The following TASOR variants were observed in gnomAD, a reference collection of about 807,000 sequenced individuals.
TASOR encodes the protein transcription activation suppressor, also known as protein TASOR.
A neutral mutation model predicts 178.6 loss-of-function variants in TASOR; 53 were observed. The ratio of observed to expected loss-of-function variants is 0.30; its 90% CI spans 0.24 to 0.37. The LOEUF (loss-of-function observed/expected upper bound fraction) is 0.37, where lower values mean the gene tolerates loss of function less well. Among genes scored for constraint, TASOR ranks in the 10% least tolerant of loss-of-function variants. TASOR has a pLI of 1.00. For synonymous variants in TASOR, 713 were observed against 696.2 expected, an observed-to-expected ratio of 1.02 and a Z score of -0.38; for missense variants, 1,815 against 1,971.4, an observed-to-expected ratio of 0.92 and a Z score of 1.50.
At chr3:56,651,949 G>T (rs1350968649) in intron 11 of TASOR, among the ~76,000 whole-genome samples, 1 of 151,998 alleles carries the variant, frequency 6.6e-6, no homozygotes, top group Non-Finnish European at 1.5e-5. Flanking sequence ...ACTGATAAAA[G>T]AACAAACAAA....
chr3:56,624,452 A>G (rs1350255343), intron 23 of TASOR, 27 bp downstream of exon 23: 7 of 1,604,054 alleles, frequency 4.4e-6, no homozygotes, highest in Admixed American at 1.7e-5. Flanking sequence ...TCTGCGTTAA[A>G]GAAAATGAAA....
chr3:56,663,906 T>C (rs535668157), intron 7 of TASOR: 1 of 965,402 alleles, frequency 1.0e-6, no homozygotes, highest in South Asian at 4.8e-5. Context: ...AATATATAAA[T>C]ATATTAATTC....
chr3:56,643,085 G>A (rs2077161012), intron 14 of TASOR, among the ~76,000 whole-genome samples: 1 of 151,956 alleles, frequency 6.6e-6, no homozygotes, highest in Non-Finnish European at 1.5e-5. Flanking sequence ...CCAACATGGT[G>A]AAACCCTGTC....
chr3:56,621,554 A>AGTT lies in TASOR; in HGVS notation c.*1480_*1482dup. 3 of 1,598,734 alleles carry AGTT rather than the reference A, an allele frequency of 1.9e-6. No individual in the cohort carries two copies. The highest frequency in any genetic ancestry group is 2.6e-6 in the Non-Finnish European group (3 of 1,173,270). ...CAGGGCCTTCTCCAGAAGCAAAAGG[A>AGTT]GTTGGAAAGTAGTCTCCTGCCTTTA... On this transcript the variant is annotated 3_prime_UTR_variant, in exon 24 of 24. Coordinates refer to ENST00000683822, the MANE Select transcript of TASOR (RefSeq NM_001365635.2).
rs1363386916 is a variant in TASOR at position 56,627,851 on chromosome 3, T to C, written c.3871-110A>G. 1.1e-5 allele frequency: 10 copies of C among 877,964 alleles called. 2 individuals carry two copies. The South Asian group carries it at 1.3e-4, about 12-fold the overall frequency. 54.4% of individuals were successfully genotyped at this position (877,964 alleles called of 1,614,324 possible). On this transcript the variant is annotated intron_variant, in intron 19 of 23. Transcript: ENST00000683822. ...AACAGAATGCATTATGGCTCATCTATATTAGTGGATTACCTCTGGAAAGCC... is the reference window on the plus strand; with the variant it reads ...AACAGAATGCATTATGGCTCATCTACATTAGTGGATTACCTCTGGAAAGCC...
chr3:56,655,545 T>A (rs548236271), intron 11 of TASOR, among the ~76,000 whole-genome samples: 1 of 151,924 alleles, frequency 6.6e-6, no homozygotes, highest in East Asian at 1.9e-4. Context: ...GGCATGAGGG[T>A]TGCTTAAGGC....
Position 56,620,512 on chromosome 3 carries a change from G to GT in TASOR, c.*2524dup, listed in dbSNP as rs1393076691. ...ATATACTCTCTGTACTTGAGGAAGAGTAAGCTGTGTTTAAAAGTGCCCTTT... is the reference window on the plus strand; with the variant it reads ...ATATACTCTCTGTACTTGAGGAAGAGTTAAGCTGTGTTTAAAAGTGCCCTTT... On this transcript the variant is annotated 3_prime_UTR_variant, in exon 24 of 24. Transcript: ENST00000683822. 6.6e-6 allele frequency: 1 copy of GT among 152,240 alleles called. No individual in the cohort carries two copies. Among genetic ancestry groups the GT allele is most frequent in the African/African-American group, 2.4e-5 (1 of 41,442 alleles). 9.4% of individuals were successfully genotyped at this position (152,240 alleles called of 1,614,324 possible). A position where few individuals can be genotyped will look rare whatever the true frequency, so the allele number is the denominator to read the frequency against.
chr3:56,642,046 T>G (rs1412836953), intron 14 of TASOR, among the ~76,000 whole-genome samples: 4 of 152,178 alleles, frequency 2.6e-5, no homozygotes, highest in Non-Finnish European at 5.9e-5. Context: ...CATCAAAATC[T>G]CAAAGTCAAC....
At chr3:56,624,773 C>G (rs957390624) in intron 22 of TASOR, 55 bp downstream of exon 22, 2 of 1,578,574 alleles carry the variant, frequency 1.3e-6, no homozygotes, top group African/African-American at 2.7e-5. Context: ...CCCATAAAAT[C>G]CTTTCATTCA....
Position 56,646,554 on chromosome 3 carries a change from C to A in TASOR, c.2183G>T (p.Ser728Ile), listed in dbSNP as rs1313604817. The A allele has an allele frequency of 6.2e-7, 1 of 1,605,440 alleles. No individual in the cohort carries two copies. Among genetic ancestry groups the A allele is most frequent in the Non-Finnish European group, 8.5e-7 (1 of 1,177,856 alleles). The change falls in exon 14 of 24, where the codon AGT (serine) becomes ATT (isoleucine). Residue 728 changes from serine to isoleucine, a missense_variant. Ser to Ile is a moderately radical substitution (Grantham distance 142). This residue lies in a region of TASOR where 655 missense variants were observed against 671.1 expected (regional missense o/e 0.98). Coordinates refer to ENST00000683822, the MANE Select transcript of TASOR (RefSeq NM_001365635.2). Reference sequence around the variant, plus strand: ...CAGATGGCAATTTTCAGATAAATTACTGGTTTTGGCGAGCTTTCTCATATT... The same window carrying A: ...CAGATGGCAATTTTCAGATAAATTAATGGTTTTGGCGAGCTTTCTCATATT... The part of the protein sequence containing the change: ...PENMRKLAKT[S>I]NLSENCHLYE...
At chr3:56,637,358 C>T (rs935722847) in intron 17 of TASOR, among the ~76,000 whole-genome samples, 1 of 152,162 alleles carries the variant, frequency 6.6e-6, no homozygotes, top group Non-Finnish European at 1.5e-5. Context: ...CCTGTCTCTA[C>T]TAAAACTACA....
chr3:56,623,859 A>T, intron 23 of TASOR: 1 of 1,543,400 alleles, frequency 6.5e-7, no homozygotes, highest in South Asian at 1.2e-5. Flanking sequence ...GTTATACGGT[A>T]ATTCAGTATT....
At chr3:56,674,710 C>G (rs1018789548) in intron 1 of TASOR, among the ~76,000 whole-genome samples, 6 of 152,142 alleles carry the variant, frequency 3.9e-5, no homozygotes. Context: ...TAGCTCAGCT[C>G]TCTCATATGT....
Position 56,647,148 on chromosome 3 carries a change from A to T in TASOR, c.1589T>A (p.Phe530Tyr). Residue 530 changes from phenylalanine (F) to tyrosine (Y), a missense_variant, in exon 14 of 24, where the codon TTT (phenylalanine) becomes TAT (tyrosine). This residue lies in a region of TASOR where 504 missense variants were observed against 645.3 expected (regional missense o/e 0.78). Coordinates refer to ENST00000683822, the MANE Select transcript of TASOR (RefSeq NM_001365635.2). ...ACACTGAATCAAAGAAAATTGTAAA[A>T]ACTGAGCTATTTTTAATACATCTGG... ...SMPDVLKIAQ[F>Y]LQFSLIQCRK... 1 of 1,602,464 alleles carries T rather than the reference A, an allele frequency of 6.2e-7. No individual in the cohort carries two copies. Among genetic ancestry groups the T allele is most frequent in the South Asian group, 1.1e-5 (1 of 88,202 alleles).
chr3:56,671,052 G>A (rs1039441714), intron 3 of TASOR, among the ~76,000 whole-genome samples: 16 of 140,148 alleles, frequency 1.1e-4, no homozygotes, highest in African/African-American at 4.0e-4. Flanking sequence ...TCTTAATAAA[G>A]AAAAAAGGCC....
At chr3:56,656,423 AC>A (rs1688493326) in intron 11 of TASOR, among the ~76,000 whole-genome samples, 2 of 151,476 alleles carry the variant, frequency 1.3e-5, no homozygotes, top group South Asian at 4.2e-4. Flanking sequence ...CCCCATCTCT[AC>A]AAAAAATACA....
chr3:56,621,410 TTGAA>T lies in TASOR; in HGVS notation c.*1623_*1626del, dbSNP rs1351433200. ...AGTACAAGCATTTCTGAAAAAATTT[TTGAA>T]TGACAAAATTTTATCCTAAGCGATA... On this transcript the variant is annotated 3_prime_UTR_variant, in exon 24 of 24. Coordinates refer to ENST00000683822, the MANE Select transcript of TASOR (RefSeq NM_001365635.2). 1.1e-5 allele frequency: 7 copies of T among 628,202 alleles called. No individual in the cohort carries two copies. The highest frequency in any genetic ancestry group is 9.2e-5 in the African/African-American group (5 of 54,512). The allele number at this position is 628,202 out of a possible 1,614,324, so 38.9% of individuals were successfully genotyped here. A position where few individuals can be genotyped will look rare whatever the true frequency, so the allele number is the denominator to read the frequency against.
chr3:56,660,004 A>T (rs910752168), intron 11 of TASOR, among the ~76,000 whole-genome samples: 1 of 151,742 alleles, frequency 6.6e-6, no homozygotes, highest in Non-Finnish European at 1.5e-5. Flanking sequence ...CCTCCCCAGT[A>T]GCTGAGATTA....
At chr3:56,671,746 G>T in intron 2 of TASOR, 54 bp from the exon 3 acceptor site, 2 of 1,349,588 alleles carry the variant, frequency 1.5e-6, no homozygotes, top group Non-Finnish European at 2.0e-6. Context: ...TGTTTTTCAA[G>T]CTACAAGTTT....
Sources: allele counts gnomAD v4.1 joint callset (sites outside exome capture counted in the v4.1 genomes callset), GRCh38; gene constraint gnomAD v4.1.1; regional missense constraint gnomAD v4.1.1; transcripts MANE v1.5; gene names NCBI Gene and HGNC (gene_info 2026-07-23, HGNC 2026-07-21).